The following SLC25A21 variants were observed in gnomAD, a reference collection of about 807,000 sequenced individuals.
SLC25A21 encodes the protein mitochondrial 2-oxodicarboxylate carrier.
A neutral mutation model predicts 43.8 loss-of-function variants in SLC25A21; 47 were observed. The observed-to-expected ratio is 1.07, with a 90% CI of 0.85 to 1.37. The LOEUF (loss-of-function observed/expected upper bound fraction) is 1.37, where lower values mean the gene tolerates loss of function less well. SLC25A21 is among the 40% of genes most tolerant of loss of function. The probability of loss-of-function intolerance (pLI) is 0.00; values close to 1 mark genes in which losing one functional copy is unlikely to be tolerated. For synonymous variants in SLC25A21, 131 were observed against 121.3 expected (o/e 1.08, Z -0.52); for missense variants, 352 against 350.2 (o/e 1.00, Z -0.04).
rs1333818737 is a variant in SLC25A21, at chr14:36,768,446, A to C, written c.204-33873T>G. Reference sequence around the variant, plus strand: ...AATTTTTATTAAAATGATTTCAATGAAACTTTTTAATAGCACTGCATCTCT... The same window carrying C: ...AATTTTTATTAAAATGATTTCAATGCAACTTTTTAATAGCACTGCATCTCT... On this transcript the variant is annotated intron_variant, in intron 3 of 9. Transcript: ENST00000331299. Among the ~76,000 whole-genome samples the C allele has an allele frequency of 2.6e-5, 4 of 152,314 alleles. No individual in the cohort carries two copies. In the East Asian group the frequency reaches 5.8e-4, roughly 22 times the overall value.
At chr14:36,911,420 A>T (rs1208812527) in intron 1 of SLC25A21, among the ~76,000 whole-genome samples, 1 of 152,150 alleles carries the variant, frequency 6.6e-6, no homozygotes, top group Admixed American at 6.6e-5. Flanking sequence ...GTTATTTTGG[A>T]GGTCCCCAGC....
intron 1 of SLC25A21, among the ~76,000 whole-genome samples, chr14:37,106,503 A>G (rs1018326569): frequency 4.6e-5 from 7 of 152,040 alleles, no homozygotes; most frequent in African/African-American, 1.7e-4. Context: ...ACCCTGGTAA[A>G]TTTAAGGTCA....
chr14:36,805,821 T>C (rs1888019536), intron 3 of SLC25A21, among the ~76,000 whole-genome samples: 1 of 152,132 alleles, frequency 6.6e-6, no homozygotes, highest in African/African-American at 2.4e-5. Flanking sequence ...TTATGAATAT[T>C]CATATGTGGA....
intron 1 of SLC25A21, among the ~76,000 whole-genome samples, chr14:36,996,667 T>C (rs528620037): frequency 2.0e-5 from 3 of 152,060 alleles, no homozygotes; most frequent in East Asian, 3.9e-4. Flanking sequence ...GCAATGAAAC[T>C]GGAACAATTA....
intron 4 of SLC25A21, 68 bp from the exon 5 acceptor site, chr14:36,729,634 A>G: frequency 7.7e-7 from 1 of 1,302,142 alleles, no homozygotes; most frequent in Non-Finnish European, 1.1e-6. Flanking sequence ...AATTGACTCA[A>G]ATTTCTTTGG....
Position 37,087,536 on chromosome 14 carries a change from T to C in SLC25A21, c.70+84745A>G, listed in dbSNP as rs142752044. ...TTCTTAGAGCACTAACTAAAAATTATAACCCCACACAGTATTTATTTTCAT... is the reference window on the plus strand; with the variant it reads ...TTCTTAGAGCACTAACTAAAAATTACAACCCCACACAGTATTTATTTTCAT... On this transcript the variant is annotated intron_variant, in intron 1 of 9. Coordinates refer to ENST00000331299, the MANE Select transcript of SLC25A21 (RefSeq NM_030631.4). Among the ~76,000 whole-genome samples, 402 of 152,326 alleles carry C rather than the reference T, an allele frequency of 2.6e-3. 1 individual carries two copies. Among genetic ancestry groups the C allele is most frequent in the Middle Eastern group, 0.01 (3 of 294 alleles).
intron 1 of SLC25A21, among the ~76,000 whole-genome samples, chr14:37,130,947 G>C (rs1290323431): frequency 6.6e-6 from 1 of 152,166 alleles, no homozygotes; most frequent in Non-Finnish European, 1.5e-5. Context: ...AGTTAGAGGG[G>C]ATCTGGCCAC....
At chr14:36,784,874 CTA>C (rs1396764263) in intron 3 of SLC25A21, among the ~76,000 whole-genome samples, 2 of 152,132 alleles carry the variant, frequency 1.3e-5, no homozygotes, top group Admixed American at 1.3e-4. Context: ...GCTTACCATA[CTA>C]TATATATTTG....
chr14:37,061,849 G>T (rs114543732), intron 1 of SLC25A21, among the ~76,000 whole-genome samples: 1,569 of 152,306 alleles, frequency 0.01, 31 homozygotes, highest in African/African-American at 0.036. Flanking sequence ...TCAAAAAATT[G>T]TGGTTCAATT....
chr14:36,970,339 G>T (rs1000482702), intron 1 of SLC25A21, among the ~76,000 whole-genome samples: 3 of 152,148 alleles, frequency 2.0e-5, no homozygotes, highest in Non-Finnish European at 4.4e-5. Context: ...TGATGGAATC[G>T]TGAATGAATA....
intron 1 of SLC25A21, among the ~76,000 whole-genome samples, chr14:37,147,665 A>G (rs1963690015): frequency 6.6e-6 from 1 of 151,128 alleles, no homozygotes; most frequent in African/African-American, 2.4e-5. Flanking sequence ...AAAGGAAGAA[A>G]ATTTTTGTGG....
At chr14:37,011,292 A>C (rs1594751285) in intron 1 of SLC25A21, among the ~76,000 whole-genome samples, 2 of 152,178 alleles carry the variant, frequency 1.3e-5, no homozygotes, top group Admixed American at 1.3e-4. Flanking sequence ...TTACAGGCAT[A>C]AGCCACCACA....
intron 5 of SLC25A21, among the ~76,000 whole-genome samples, chr14:36,729,245 T>C (rs1442933441): frequency 6.6e-6 from 1 of 152,250 alleles, no homozygotes; most frequent in Non-Finnish European, 1.5e-5. Flanking sequence ...TTGATAAATG[T>C]ACTCTTTATT....
intron 1 of SLC25A21, among the ~76,000 whole-genome samples, chr14:37,033,022 G>A (rs1483583022): frequency 6.6e-6 from 1 of 152,160 alleles, no homozygotes; most frequent in East Asian, 1.9e-4. Flanking sequence ...ATCTTTAAGT[G>A]TACAGCTCAG....
At chr14:37,086,333 C>CT in intron 1 of SLC25A21, among the ~76,000 whole-genome samples, 1 of 152,252 alleles carries the variant, frequency 6.6e-6, no homozygotes, top group African/African-American at 2.4e-5. Flanking sequence ...CTTGACCATA[C>CT]TGCTAGCCTT....
chr14:36,955,033 G>GT (rs1959299065), intron 1 of SLC25A21, among the ~76,000 whole-genome samples: 2 of 152,134 alleles, frequency 1.3e-5, no homozygotes, highest in East Asian at 3.8e-4. Flanking sequence ...GTTTTTGCAT[G>GT]TTTTTTCTCC....
chr14:36,899,269 A>C (rs1384044761), intron 1 of SLC25A21, among the ~76,000 whole-genome samples: 2 of 152,186 alleles, frequency 1.3e-5, no homozygotes, highest in African/African-American at 4.8e-5. Flanking sequence ...AATGAAAATG[A>C]AAAGAAAAAA....
intron 3 of SLC25A21, among the ~76,000 whole-genome samples, chr14:36,781,435 G>GATTATTTTCTA (rs141725177): frequency 0.04 from 6,122 of 152,002 alleles, 405 homozygotes; most frequent in African/African-American, 0.14. Flanking sequence ...TTTGTGATTT[G>GATTATTTTCTA]ATTATTTTCT....
intron 2 of SLC25A21, among the ~76,000 whole-genome samples, chr14:36,856,619 G>C (rs1175700059): frequency 1.3e-5 from 2 of 152,202 alleles, no homozygotes; most frequent in Non-Finnish European, 2.9e-5. Context: ...AGAGAAGCTA[G>C]TTAGGGCTGT....
Sources: gnomAD v4.1 joint callset for allele counts (sites outside exome capture counted in the v4.1 genomes callset) on GRCh38, gnomAD v4.1.1 for gene constraint, MANE v1.5 for transcripts, NCBI Gene and HGNC (gene_info 2026-07-23, HGNC 2026-07-21) for gene names.